The following IFT81 variants were observed in gnomAD, a reference collection of about 807,000 sequenced individuals.
The protein encoded by IFT81 is intraflagellar transport 81.
Under a neutral mutation model 102.6 loss-of-function variants are expected in IFT81, and 72 were observed. That is an observed-to-expected ratio of 0.70 (90% CI 0.58 to 0.85). IFT81 has a LOEUF of 0.85. Among genes scored for constraint, IFT81 ranks in the 40% least tolerant of loss-of-function variants. IFT81 has a pLI of 0.00. For synonymous variants in IFT81, 237 were observed against 242.7 expected (o/e 0.98, Z 0.22); for missense variants, 723 against 787.3 (o/e 0.92, Z 0.98).
intron 11 of IFT81, among the ~76,000 whole-genome samples, chr12:110,175,581 G>C (rs953887383): frequency 6.6e-6 from 1 of 152,140 alleles, no homozygotes; most frequent in Admixed American, 6.5e-5. Context: ...TAAAAAACTC[G>C]TCCTTTAACA....
chr12:110,207,098 C>T (rs1194088266), intron 17 of IFT81, among the ~76,000 whole-genome samples: 1 of 151,772 alleles, frequency 6.6e-6, no homozygotes. Flanking sequence ...GGCACGATCT[C>T]GGCTCACTGC....
chr12:110,151,663 T>G (rs1158288221), intron 10 of IFT81, among the ~76,000 whole-genome samples: 3 of 152,248 alleles, frequency 2.0e-5, no homozygotes, highest in African/African-American at 7.2e-5. Flanking sequence ...ACTTATTGTT[T>G]TGTGGTGAGA....
At chr12:110,188,698 G>T (rs1897660548) in intron 12 of IFT81, among the ~76,000 whole-genome samples, 1 of 151,532 alleles carries the variant, frequency 6.6e-6, no homozygotes, top group South Asian at 2.1e-4. Context: ...GCCAAGGTGG[G>T]TGGATCATGA....
Position 110,211,191 on chromosome 12 carries a change from T to C in IFT81, c.1848+1975T>C, listed in dbSNP as rs573052188. Among the ~76,000 whole-genome samples, 705 of 145,608 alleles carry C rather than the reference T, an allele frequency of 4.8e-3. 6 individuals carry two copies. Among genetic ancestry groups the C allele is most frequent in the African/African-American group, 0.018 (686 of 38,190 alleles). ...TTAGGCTTTCTTTTTTTTTTTTTTTTTTTTTGGCAATATATTAGGGAAGGG... is the reference window on the plus strand; with the variant it reads ...TTAGGCTTTCTTTTTTTTTTTTTTTCTTTTTGGCAATATATTAGGGAAGGG... On this transcript the variant is annotated intron_variant, in intron 18 of 18. Transcript: ENST00000242591.
At chr12:110,174,304 A>T (rs531190544) in intron 11 of IFT81, among the ~76,000 whole-genome samples, 22,374 of 138,864 alleles carry the variant, frequency 0.16, 2,046 homozygotes, top group Admixed American at 0.24. Flanking sequence ...AAAAAAAAAA[A>T]AAATTAGCCG....
intron 12 of IFT81, 69 bp from the exon 13 acceptor site, chr12:110,190,851 T>G: frequency 7.2e-7 from 1 of 1,387,008 alleles, no homozygotes; most frequent in Non-Finnish European, 9.5e-7. Context: ...TGTATGAAAT[T>G]TGTACATTTC....
intron 18 of IFT81, among the ~76,000 whole-genome samples, chr12:110,210,928 C>T (rs1213360076): frequency 6.6e-6 from 1 of 150,936 alleles, no homozygotes; most frequent in Admixed American, 6.6e-5. Context: ...GATCTCGGCT[C>T]ACTGCAGCCT....
At chr12:110,204,010 G>GTTT in intron 15 of IFT81, 60 bp downstream of exon 15, 1 of 1,049,402 alleles carries the variant, frequency 9.5e-7, no homozygotes, top group Non-Finnish European at 1.4e-6. Flanking sequence ...TACACCTGTA[G>GTTT]TCCCAGCTAC....
At chr12:110,128,560 T>C (rs1893975783) in intron 3 of IFT81, among the ~76,000 whole-genome samples, 1 of 151,402 alleles carries the variant, frequency 6.6e-6, no homozygotes, top group African/African-American at 2.4e-5. Flanking sequence ...GATGCCAAGG[T>C]GAGAGGATCA....
In IFT81 at chr12:110,130,854, C is replaced by T. The variant is rs1432111383; in HGVS notation, c.430-1693C>T. Among the ~76,000 whole-genome samples, 6 of 151,946 alleles carry T rather than the reference C, an allele frequency of 3.9e-5. No homozygotes were observed. In the South Asian group the frequency reaches 1.0e-3, roughly 26 times the overall value. On this transcript the variant is annotated intron_variant, in intron 4 of 18. Transcript: ENST00000242591. ...ATGATTTACAATATATAATGATTTA[C>T]ACATTTAGCCAGTCATTTCAGGAAT...
At chr12:110,156,671 AT>A (rs1219467201) in intron 10 of IFT81, among the ~76,000 whole-genome samples, 1 of 151,804 alleles carries the variant, frequency 6.6e-6, no homozygotes, top group African/African-American at 2.4e-5. Context: ...TAATTTTTGT[AT>A]TTTTAGTAGA....
chr12:110,146,643 C>G (rs1009060854), intron 9 of IFT81, among the ~76,000 whole-genome samples: 15 of 152,104 alleles, frequency 9.9e-5, no homozygotes, highest in African/African-American at 3.4e-4. Flanking sequence ...ATTAATGAAA[C>G]TGTTTTGCCC....
intron 1 of IFT81, among the ~76,000 whole-genome samples, chr12:110,127,140 A>G (rs747007535): frequency 6.6e-6 from 1 of 152,228 alleles, no homozygotes; most frequent in Admixed American, 6.5e-5. Flanking sequence ...AGATGCATAT[A>G]CAAAGCATTT....
At position 110,126,929 on chromosome 12, in the gene IFT81, C is replaced by T. The variant is rs78672077; in HGVS notation, c.-21-431C>T. On this transcript the variant is annotated intron_variant, in intron 1 of 18. Transcript: ENST00000242591. The stretch of plus-strand genomic sequence containing the variant: ...TGATTTTCAAGAGAAACTGGAAATA[C>T]AGATTTTAAAGTAAAAAATCTCTCA... Among the ~76,000 whole-genome samples, 1,067 of 152,290 alleles carry T rather than the reference C, an allele frequency of 7.0e-3. 1 individual carries two copies. The highest frequency in any genetic ancestry group is 9.5e-3 in the Non-Finnish European group (643 of 68,026).
At chr12:110,179,762 A>G (rs1283076853) in intron 11 of IFT81, among the ~76,000 whole-genome samples, 1 of 99,458 alleles carries the variant, frequency 1.0e-5, no homozygotes, top group Non-Finnish European at 2.0e-5. Flanking sequence ...ATATATATAT[A>G]TATATATATA....
In IFT81 at chr12:110,205,675, A is replaced by G; in HGVS notation, c.1797A>G (p.Ala599=). ...ISSDQQEKRK[A]IREQYTKNTA... ...CTGATCAACAAGAAAAAAGAAAGGC[A>G]ATTAGGCAAGTGATTTTGTTGTTTT... Residue 599 remains alanine (A), a synonymous_variant, in exon 17 of 19, where the codon GCA becomes GCG. Coordinates refer to ENST00000242591, the MANE Select transcript of IFT81 (RefSeq NM_014055.4). 6.3e-7 allele frequency: 1 copy of G among 1,577,836 alleles called. No homozygotes were observed. Among genetic ancestry groups the G allele is most frequent in the Non-Finnish European group, 8.6e-7 (1 of 1,165,584 alleles).
At chr12:110,146,731 G>A (rs1281340383) in intron 9 of IFT81, among the ~76,000 whole-genome samples, 4 of 152,028 alleles carry the variant, frequency 2.6e-5, no homozygotes, top group Admixed American at 6.6e-5. Flanking sequence ...CACTTTGGGA[G>A]GCCAAGGTGG....
At position 110,127,356 on chromosome 12, in the gene IFT81, T is replaced by C. The variant is rs1044580407; in HGVS notation, c.-21-4T>C. 1 of 1,484,164 alleles carries C rather than the reference T, an allele frequency of 6.7e-7. No homozygotes were observed. Among genetic ancestry groups the C allele is most frequent in the South Asian group, 1.4e-5 (1 of 72,032 alleles). 91.9% of individuals were successfully genotyped at this position (1,484,164 alleles called of 1,614,324 possible). A position where few individuals can be genotyped will look rare whatever the true frequency, so the allele number is the denominator to read the frequency against. ...GGATTTTTTTTTCTATTTTTACTCT[T>C]TAGTTAAAATTATAAGACCTAATTA... On this transcript the variant is annotated splice_polypyrimidine_tract_variant and splice_region_variant and intron_variant, in intron 1 of 18. Coordinates refer to ENST00000242591, the MANE Select transcript of IFT81 (RefSeq NM_014055.4).
intron 1 of IFT81, among the ~76,000 whole-genome samples, chr12:110,125,712 T>G (rs1893795737): frequency 6.6e-6 from 1 of 152,246 alleles, no homozygotes; most frequent in Non-Finnish European, 1.5e-5. Context: ...ATTGCTTAAT[T>G]CATTTTTAAT....
Sources: gnomAD v4.1 joint callset for allele counts (sites outside exome capture counted in the v4.1 genomes callset) on GRCh38, gnomAD v4.1.1 for gene constraint, MANE v1.5 for transcripts, NCBI Gene and HGNC (gene_info 2026-07-23, HGNC 2026-07-21) for gene names.